KARS1: variants seen among roughly 807,000 people sequenced by gnomAD.
The protein encoded by KARS1 is lysyl-tRNA synthetase 1.
A neutral mutation model predicts 63.9 loss-of-function variants in KARS1; 50 were observed. The ratio of observed to expected loss-of-function variants is 0.78; its 90% CI spans 0.62 to 0.99. KARS1 has a LOEUF of 0.99. KARS1 is among the 50% of genes least tolerant of loss of function. The pLI is 0.00. For missense variants in KARS1, 816 were observed against 754.5 expected, an observed-to-expected ratio of 1.08 and a Z score of -0.95; for synonymous variants, 320 against 264.6, an observed-to-expected ratio of 1.21 and a Z score of -2.03.
intron 8 of KARS1, 36 bp downstream of exon 8, chr16:75,631,657 A>G: frequency 6.2e-7 from 1 of 1,613,846 alleles, no homozygotes; most frequent in Non-Finnish European, 8.5e-7. Flanking sequence ...GCAGCATACC[A>G]ACCACCCGAT....
At position 75,634,412 on chromosome 16, in the gene KARS1, A is replaced by G. The variant is rs1353434250; in HGVS notation, c.796-120T>C. ...CCCCAAACTAAATGTTAATAAGTTC[A>G]ACAGTAATGTGCAAGTGCTTGACAA... On this transcript the variant is annotated intron_variant, in intron 6 of 13. Transcript: ENST00000302445. The G allele has an allele frequency of 8.8e-6, 9 of 1,019,884 alleles. No homozygotes were observed. The Admixed American group carries it at 1.8e-4, about 20-fold the overall frequency. 63.2% of individuals were successfully genotyped at this position (1,019,884 alleles called of 1,614,324 possible). A position where few individuals can be genotyped will look rare whatever the true frequency, so the allele number is the denominator to read the frequency against.
At chr16:75,633,782 G>A (rs1049603049) in intron 7 of KARS1, among the ~76,000 whole-genome samples, 1 of 152,198 alleles carries the variant, frequency 6.6e-6, no homozygotes, top group African/African-American at 2.4e-5. Flanking sequence ...CTCCCAAAGC[G>A]CTGGGATTAC....
intron 11 of KARS1, 105 bp from the exon 12 acceptor site, chr16:75,629,646 C>G (rs111883921): frequency 2.4e-6 from 3 of 1,243,602 alleles, no homozygotes; most frequent in Non-Finnish European, 3.4e-6. Flanking sequence ...GTCACGCAGG[C>G]TGGAGTGCAG....
intron 1 of KARS1, chr16:75,642,761 T>C (rs936620254): frequency 6.6e-6 from 1 of 152,202 alleles, no homozygotes; most frequent in African/African-American, 2.4e-5. Context: ...ACCATCTTTG[T>C]AGTCAGGCTG....
At position 75,641,735 on chromosome 16, in the gene KARS1, A is replaced by G. The variant is rs200125321; in HGVS notation, c.63-12T>C. 232 of 1,613,338 alleles carry G rather than the reference A, an allele frequency of 1.4e-4. 1 individual carries two copies. The highest frequency in any genetic ancestry group is 1.9e-4 in the Non-Finnish European group (230 of 1,179,994). Reference sequence around the variant, plus strand: ...GTCTCTTCAGCTCACTGTTGGAAAGATGAAAGCGTTCAATGTGTTAGCTGC... The same window carrying G: ...GTCTCTTCAGCTCACTGTTGGAAAGGTGAAAGCGTTCAATGTGTTAGCTGC... On this transcript the variant is annotated splice_polypyrimidine_tract_variant and intron_variant, in intron 1 of 13. Transcript: ENST00000302445.
At chr16:75,635,231 G>A (rs1236831554) in intron 6 of KARS1, 7 of 271,156 alleles carry the variant, frequency 2.6e-5, no homozygotes, top group Non-Finnish European at 5.1e-5. Flanking sequence ...ATGTACATAC[G>A]TATATATGCC....
chr16:75,633,808 G>A (rs1346257107), intron 7 of KARS1, among the ~76,000 whole-genome samples: 2 of 152,146 alleles, frequency 1.3e-5, no homozygotes, highest in Non-Finnish European at 2.9e-5. Context: ...TGAGGCCCGC[G>A]CCAGGCCTGA....
At position 75,640,171 on chromosome 16, in the gene KARS1, G is replaced by A; in HGVS notation, c.388+13C>T. ...CTGTGGGAGTTCAGTGATTTGCCAG[G>A]GAGAGTTCCTACCTGCCACCTTTAA... On this transcript the variant is annotated intron_variant, in intron 3 of 13. Transcript: ENST00000302445. 7.4e-6 allele frequency: 12 copies of A among 1,612,544 alleles called. No individual in the cohort carries two copies. The highest frequency in any genetic ancestry group is 2.2e-5 in the East Asian group (1 of 44,880).
intron 11 of KARS1, 103 bp from the exon 12 acceptor site, chr16:75,629,644 G>C: frequency 8.0e-7 from 1 of 1,252,846 alleles, no homozygotes; most frequent in Non-Finnish European, 1.1e-6. Context: ...CTGTCACGCA[G>C]GCTGGAGTGC....
chr16:75,634,385 T>C, intron 6 of KARS1, 93 bp from the exon 7 acceptor site: 1 of 1,273,932 alleles, frequency 7.8e-7, no homozygotes, highest in Non-Finnish European at 1.1e-6. Context: ...AAGCCTGTTA[T>C]ACCCCAAACT....
chr16:75,631,297 G>C (rs756429793), intron 9 of KARS1, 44 bp from the exon 10 acceptor site: 1 of 1,587,416 alleles, frequency 6.3e-7, no homozygotes, highest in Non-Finnish European at 8.6e-7. Flanking sequence ...CATCACACTA[G>C]CCAAGTAAAA....
intron 7 of KARS1, among the ~76,000 whole-genome samples, chr16:75,633,204 C>A (rs371624507): frequency 6.6e-6 from 1 of 152,182 alleles, no homozygotes; most frequent in African/African-American, 2.4e-5. Flanking sequence ...TGCTCAGGGT[C>A]GGCCGCAATG....
At chr16:75,629,372 C>T (rs953373116) in intron 12 of KARS1, 43 bp downstream of exon 12, 1 of 1,612,570 alleles carries the variant, frequency 6.2e-7, no homozygotes, top group African/African-American at 1.3e-5. Context: ...CTGGTATTTC[C>T]TGGTGAGTTG....
At chr16:75,637,400 T>C (rs2082173634) in intron 3 of KARS1, among the ~76,000 whole-genome samples, 1 of 152,002 alleles carries the variant, frequency 6.6e-6, no homozygotes, top group Non-Finnish European at 1.5e-5. Flanking sequence ...TGTGAACCTT[T>C]TCCTCCAGGC....
At chr16:75,645,133 C>T (rs2082266993) in intron 1 of KARS1, among the ~76,000 whole-genome samples, 1 of 152,162 alleles carries the variant, frequency 6.6e-6, no homozygotes, top group African/African-American at 2.4e-5. Flanking sequence ...ATACCTGGCA[C>T]AAAATGGTGC....
In KARS1 at chr16:75,631,156, G is replaced by A; in HGVS notation, c.1338+12C>T. ...AGATGAGGACATGTACAAGAAGGCAGGGCCTTCTCACCTTGTCAAGGAGCC... is the reference window on the plus strand; with the variant it reads ...AGATGAGGACATGTACAAGAAGGCAAGGCCTTCTCACCTTGTCAAGGAGCC... On this transcript the variant is annotated intron_variant, in intron 10 of 13. Coordinates refer to ENST00000302445, the MANE Select transcript of KARS1 (RefSeq NM_005548.3). 1.2e-6 allele frequency: 2 copies of A among 1,602,778 alleles called. No individual in the cohort carries two copies. Among genetic ancestry groups the A allele is most frequent in the Non-Finnish European group, 8.5e-7 (1 of 1,170,104 alleles).
chr16:75,630,163 C>T (rs1280918862), intron 11 of KARS1, among the ~76,000 whole-genome samples: 3 of 152,206 alleles, frequency 2.0e-5, no homozygotes, highest in Admixed American at 6.5e-5. Flanking sequence ...AACCACCATG[C>T]TGAAGGGAAG....
chr16:75,635,504 G>C (rs2082151810), intron 6 of KARS1, 176 bp downstream of exon 6: 1 of 730,322 alleles, frequency 1.4e-6, no homozygotes, highest in Non-Finnish European at 2.4e-6. Flanking sequence ...TGGAAGTCAG[G>C]TCCTGCCTTC....
chr16:75,632,001 C>T (rs1368533301), intron 7 of KARS1, 146 bp from the exon 8 acceptor site: 9 of 937,748 alleles, frequency 9.6e-6, no homozygotes, highest in Non-Finnish European at 1.5e-5. Context: ...AATTCTCCTG[C>T]CCCAGCCTCC....
Sources: allele counts gnomAD v4.1 joint callset (sites outside exome capture counted in the v4.1 genomes callset), GRCh38; gene constraint gnomAD v4.1.1; transcripts MANE v1.5; gene names NCBI Gene and HGNC (gene_info 2026-07-23, HGNC 2026-07-21).